The following REV3L variants were observed in gnomAD, a reference collection of about 807,000 sequenced individuals.
The protein encoded by REV3L is DNA polymerase zeta catalytic subunit.
A neutral mutation model predicts 299.4 loss-of-function variants in REV3L; 69 were observed. The ratio of observed to expected loss-of-function variants is 0.23; its 90% confidence interval spans 0.19 to 0.28. The LOEUF is 0.28. REV3L is among the 10% of genes least tolerant of loss of function. The probability of loss-of-function intolerance (pLI) is 1.00; values close to 1 mark genes in which losing one functional copy is unlikely to be tolerated. For missense variants in REV3L, 3,128 were observed against 3,693.8 expected (o/e 0.85, Z 3.97); for synonymous variants, 1,238 against 1,271.4 (o/e 0.97, Z 0.56).
intron 16 of REV3L, among the ~76,000 whole-genome samples, chr6:111,359,764 C>A (rs959359778): frequency 3.3e-5 from 5 of 151,896 alleles, no homozygotes; most frequent in African/African-American, 1.2e-4. Context: ...AGAATTATAC[C>A]TCATCTTTTT....
intron 21 of REV3L, among the ~76,000 whole-genome samples, chr6:111,340,501 A>T (rs954403344): frequency 6.6e-6 from 1 of 152,134 alleles, no homozygotes; most frequent in Non-Finnish European, 1.5e-5. Flanking sequence ...ATCTGGGTTT[A>T]TTAAAAAAAA....
chr6:111,387,539 T>A (rs1220958484), intron 9 of REV3L, among the ~76,000 whole-genome samples: 1 of 152,166 alleles, frequency 6.6e-6, no homozygotes, highest in Non-Finnish European at 1.5e-5. Flanking sequence ...TGGGCAAACA[T>A]TATAAGAAAA....
At chr6:111,473,239 T>TC (rs58466687) in intron 1 of REV3L, among the ~76,000 whole-genome samples, 129,861 of 150,080 alleles carry the variant, frequency 0.87, 56,564 homozygotes, top group East Asian at 1. Flanking sequence ...TTTTTTTTTT[T>TC]TTAAAGAGAC....
At chr6:111,408,788 G>A (rs1189607711) in intron 3 of REV3L, among the ~76,000 whole-genome samples, 1 of 152,136 alleles carries the variant, frequency 6.6e-6, no homozygotes, top group East Asian at 1.9e-4. Context: ...GGGTTCAAAC[G>A]ATTCTCCCAC....
chr6:111,469,643 A>T (rs545338198), intron 1 of REV3L, among the ~76,000 whole-genome samples: 36 of 152,220 alleles, frequency 2.4e-4, no homozygotes, highest in Non-Finnish European at 4.6e-4. Flanking sequence ...TACTGCCTCC[A>T]GGTGAAAGAG....
At chr6:111,307,768 G>T in intron 30 of REV3L, 198 bp from the exon 31 acceptor site, 1 of 568,950 alleles carries the variant, frequency 1.8e-6, no homozygotes, top group Non-Finnish European at 3.1e-6. Context: ...TGCCTTCATG[G>T]AACTTACATC....
intron 6 of REV3L, among the ~76,000 whole-genome samples, chr6:111,389,447 G>C (rs2128252895): frequency 6.6e-6 from 1 of 152,144 alleles, no homozygotes; most frequent in East Asian, 1.9e-4. Flanking sequence ...ATAGTCAATA[G>C]ACCTAAGAGT....
At position 111,333,366 on chromosome 6, in the gene REV3L, T is replaced by C; in HGVS notation, c.7682A>G (p.Tyr2561Cys). 6.2e-7 allele frequency: 1 copy of C among 1,613,204 alleles called. No homozygotes were observed. The highest frequency in any genetic ancestry group is 8.5e-7 in the Non-Finnish European group (1 of 1,179,318). Residue 2561 changes from tyrosine to cysteine, a missense_variant and splice_region_variant, in exon 23 of 32, where the codon TAC becomes TGC. Transcript: ENST00000368802. ...ACGCAACATCATTGATTCCACACGG[T>C]ACTGCAGGGAGAAAGGGAGGTGAGA... ...FLHVLTRGSQ[Y>C]RVESMMLRIA...
intron 3 of REV3L, 103 bp from the exon 4 acceptor site, chr6:111,405,733 C>T: frequency 1.5e-6 from 1 of 673,840 alleles, no homozygotes; most frequent in Non-Finnish European, 2.4e-6. Flanking sequence ...TATTAGCACA[C>T]AAAATTTCCA....
Position 111,313,368 on chromosome 6 carries a change from C to A in REV3L, c.8588G>T (p.Cys2863Phe). The A allele has an allele frequency of 6.2e-7, 1 of 1,610,516 alleles. No homozygotes were observed. Among genetic ancestry groups the A allele is most frequent in the Non-Finnish European group, 8.5e-7 (1 of 1,179,084 alleles). ...KGIETVRRDS[C>F]PAVSKILERS... ...AAACCTTACCTTAGAAACAGCAGGG[C>A]AGGAATCTCTTCTGACTGTTTCTAT... The change falls in exon 28 of 32, where the codon TGC (cysteine) becomes TTC (phenylalanine). Residue 2863 changes from cysteine to phenylalanine, a missense_variant. By Grantham distance (205) the Cys-to-Phe change is radical (BLOSUM62 -2). Coordinates refer to ENST00000368802, the MANE Select transcript of REV3L (RefSeq NM_001372078.1).
rs1016393022 is a variant in REV3L, at chr6:111,325,094, C to T, written c.8242-2416G>A. 3.9e-5 allele frequency among the ~76,000 whole-genome samples: 6 copies of T among 152,194 alleles called. No homozygotes were observed. The South Asian group carries it at 1.0e-3, about 26-fold the overall frequency. On this transcript the variant is annotated intron_variant, in intron 25 of 31. Coordinates refer to ENST00000368802, the MANE Select transcript of REV3L (RefSeq NM_001372078.1). ...GCCAGGATGGTCTTGGTCTCCTGACCTCGTGATCCACCCGCCTTGGCCTCC... is the reference window on the plus strand; with the variant it reads ...GCCAGGATGGTCTTGGTCTCCTGACTTCGTGATCCACCCGCCTTGGCCTCC...
chr6:111,356,390 G>C (rs1327941529), intron 18 of REV3L, among the ~76,000 whole-genome samples: 1 of 151,992 alleles, frequency 6.6e-6, no homozygotes, highest in Non-Finnish European at 1.5e-5. Context: ...AAATATTTTT[G>C]TTAAAAATTT....
chr6:111,337,069 A>C (rs901315132), intron 21 of REV3L, among the ~76,000 whole-genome samples: 1 of 100,734 alleles, frequency 9.9e-6, no homozygotes, highest in Non-Finnish European at 2.0e-5. Flanking sequence ...CAAGAGGTAG[A>C]GGGTGGGGGG....
At chr6:111,483,395 AGGCGGCC>A (rs1040606512), upstream of REV3L, 3 of 446,906 alleles carry the variant, frequency 6.7e-6, no homozygotes, top group South Asian at 3.1e-5. Flanking sequence ...GCGGCGAGGG[AGGCGGCC>A]GGCGGCCGGC....
intron 1 of REV3L, among the ~76,000 whole-genome samples, chr6:111,466,720 T>A (rs1791562038): frequency 6.6e-6 from 1 of 152,076 alleles, no homozygotes; most frequent in South Asian, 2.1e-4. Context: ...CACATGCTTG[T>A]AATCCCAGCT....
At chr6:111,309,711 G>A (rs1249228154) in intron 30 of REV3L, 142 bp downstream of exon 30, 11 of 885,240 alleles carry the variant, frequency 1.2e-5, no homozygotes, top group Admixed American at 3.0e-5. Flanking sequence ...TTCCCCTCCC[G>A]CTTTCCGTAT....
Position 111,376,574 on chromosome 6 carries a change from T to A in REV3L, c.1781A>T (p.Asp594Val). 6.2e-7 allele frequency: 1 copy of A among 1,613,184 alleles called. No homozygotes were observed. The highest frequency in any genetic ancestry group is 1.3e-5 in the African/African-American group (1 of 75,054). The change falls in exon 13 of 32, where the codon GAT becomes GTT. Residue 594 changes from aspartate to valine, a missense_variant. This residue lies in a region of REV3L where 2,409 missense variants were observed against 2,611.8 expected (regional missense o/e 0.92). Coordinates refer to ENST00000368802, the MANE Select transcript of REV3L (RefSeq NM_001372078.1). ...ALSSHVLNKEDLIEDLSQTNK... is the reference protein window; with the variant it reads ...ALSSHVLNKEVLIEDLSQTNK... ...TGTCTGTGAAAGGTCTTCAATTAAA[T>A]CTTCCTTGTTCAAAACATGGGAAGA...
At chr6:111,318,055 A>G (rs897747168) in intron 26 of REV3L, among the ~76,000 whole-genome samples, 1 of 151,840 alleles carries the variant, frequency 6.6e-6, no homozygotes, top group African/African-American at 2.4e-5. Context: ...ATCATACACA[A>G]GTTTTTGTGT....
In REV3L at chr6:111,376,077, G is replaced by C. The variant is rs1582752851; in HGVS notation, c.2278C>G (p.Leu760Val). The change falls in exon 13 of 32, where the codon CTT becomes GTT. Residue 760 changes from leucine (L) to valine (V), a missense_variant. By Grantham distance (32) the Leu-to-Val change is conservative. Coordinates refer to ENST00000368802, the MANE Select transcript of REV3L (RefSeq NM_001372078.1). ...CCACTTTCATCAGCAGTGCTATTAA[G>C]AGAATGCACCATAGTTCTATTCTCC... ...SGENRTMVHS[L>V]NSTADESGLN... is the part of the protein sequence containing the mutation. 1 of 1,613,824 alleles carries C rather than the reference G, an allele frequency of 6.2e-7. No individual in the cohort carries two copies. Among genetic ancestry groups the C allele is most frequent in the Non-Finnish European group, 8.5e-7 (1 of 1,179,894 alleles).
Sources: gnomAD v4.1 joint callset for allele counts (sites outside exome capture counted in the v4.1 genomes callset) on GRCh38, gnomAD v4.1.1 for gene constraint, gnomAD v4.1.1 regional missense constraint, MANE v1.5 for transcripts, NCBI Gene and HGNC (gene_info 2026-07-23, HGNC 2026-07-21) for gene names.